Variants in KDM5B observed in about 807,000 individuals in gnomAD.
The protein encoded by KDM5B is lysine demethylase 5B, also known as lysine-specific demethylase 5B.
Under a neutral mutation model 193.4 loss-of-function variants are expected in KDM5B, and 144 were observed. The ratio of observed to expected loss-of-function variants is 0.74; its 90% confidence interval spans 0.65 to 0.86. The LOEUF (loss-of-function observed/expected upper bound fraction) is 0.86, where lower values mean the gene tolerates loss of function less well. Among genes scored for constraint, KDM5B ranks in the 40% least tolerant of loss-of-function variants. The probability of loss-of-function intolerance (pLI) is 0.00; values close to 1 mark genes in which losing one functional copy is unlikely to be tolerated. For missense variants in KDM5B, 1,833 were observed against 1,886.9 expected (o/e 0.97, Z 0.53); for synonymous variants, 668 against 682.6 (o/e 0.98, Z 0.33).
chr1:202,808,006 G>A (rs1471506851), intron 1 of KDM5B, 96 bp downstream of exon 1: 5 of 1,270,778 alleles, frequency 3.9e-6, no homozygotes, highest in Non-Finnish European at 5.3e-6. Context: ...GGGGCGACCG[G>A]CTCCCCGCCC....
intron 1 of KDM5B, among the ~76,000 whole-genome samples, chr1:202,778,316 T>C (rs1013428584): frequency 6.6e-6 from 1 of 152,038 alleles, no homozygotes; most frequent in African/African-American, 2.4e-5. Flanking sequence ...CACACACATA[T>C]ATGTATGAAT....
chr1:202,735,288 C>T, intron 22 of KDM5B, 141 bp downstream of exon 22: 2 of 865,676 alleles, frequency 2.3e-6, no homozygotes, highest in Non-Finnish European at 3.5e-6. Context: ...TAACACTTGA[C>T]AATTTTCAAA....
intron 10 of KDM5B, among the ~76,000 whole-genome samples, chr1:202,755,723 A>C (rs1360536042): frequency 6.6e-6 from 1 of 152,092 alleles, no homozygotes; most frequent in Non-Finnish European, 1.5e-5. Context: ...CAAAGTTCAA[A>C]ATCAGGCAAA....
Position 202,763,988 on chromosome 1 carries a change from A to G in KDM5B, c.808+61T>C, listed in dbSNP as rs973162373. On this transcript the variant is annotated intron_variant, in intron 6 of 26. Transcript: ENST00000367265. Reference sequence around the variant, plus strand: ...TTGAATTTTCAGCTTATGTTTACTTATGAATAGTTATTTTTACTTTATTTA... The same window carrying G: ...TTGAATTTTCAGCTTATGTTTACTTGTGAATAGTTATTTTTACTTTATTTA... 1.1e-5 allele frequency: 10 copies of G among 937,454 alleles called. No individual in the cohort carries two copies. In the African/African-American group the frequency reaches 1.7e-4, roughly 16 times the overall value. 58.1% of individuals were successfully genotyped at this position (937,454 alleles called of 1,614,324 possible). A position where few individuals can be genotyped will look rare whatever the true frequency, so the allele number is the denominator to read the frequency against.
In KDM5B at chr1:202,724,617, T is replaced by C. The variant is rs1304420008; in HGVS notation, c.*4419A>G. 6.6e-6 allele frequency: 1 copy of C among 152,368 alleles called. No homozygotes were observed. The allele number at this position is 152,368 out of a possible 1,614,324, so 9.4% of individuals were successfully genotyped here. A position where few individuals can be genotyped will look rare whatever the true frequency, so the allele number is the denominator to read the frequency against. ...CCAAACTAATTTTTCTCAATTTTAG[T>C]GTTTATTAAATGGATATACATATTT... On this transcript the variant is annotated 3_prime_UTR_variant, in exon 27 of 27. Coordinates refer to ENST00000367265, the MANE Select transcript of KDM5B (RefSeq NM_006618.5).
At position 202,750,105 on chromosome 1, in the gene KDM5B, T is replaced by C. The variant is rs1655731208; in HGVS notation, c.1821+554A>G. ...AATGTAAATCAATAGACTCCATTCT[T>C]CATCAACAAAGTCTTGCTACAAAAG... On this transcript the variant is annotated intron_variant, in intron 13 of 26. Transcript: ENST00000367265. Among the ~76,000 whole-genome samples, 3 of 152,200 alleles carry C rather than the reference T, an allele frequency of 2.0e-5. No homozygotes were observed. The South Asian group carries it at 6.2e-4, about 32-fold the overall frequency.
chr1:202,731,806 A>G, intron 24 of KDM5B, 22 bp downstream of exon 24: 1 of 1,490,122 alleles, frequency 6.7e-7, no homozygotes, highest in Non-Finnish European at 9.4e-7. Context: ...TCCAGCCCTC[A>G]ACGTAATAAC....
intron 1 of KDM5B, among the ~76,000 whole-genome samples, chr1:202,798,162 C>G (rs530796694): frequency 6.6e-6 from 1 of 152,164 alleles, no homozygotes; most frequent in African/African-American, 2.4e-5. Flanking sequence ...TCACATCATG[C>G]TGCACTCCAG....
chr1:202,736,206 A>T lies in KDM5B; in HGVS notation c.3264+7T>A. On this transcript the variant is annotated splice_region_variant and intron_variant, in intron 21 of 26. Coordinates refer to ENST00000367265, the MANE Select transcript of KDM5B (RefSeq NM_006618.5). The stretch of plus-strand genomic sequence containing the variant: ...AGGTCTTGCAGATGAGCTGGTTGTA[A>T]ACTTACCTCTAAGAGAGAATATGGA... 5 of 1,542,576 alleles carry T rather than the reference A, an allele frequency of 3.2e-6. No homozygotes were observed. Among genetic ancestry groups the T allele is most frequent in the Non-Finnish European group, 4.4e-6 (5 of 1,141,700 alleles).
rs1266214168 is a variant in KDM5B at position 202,758,432 on chromosome 1, C to T, written c.1156G>A (p.Ala386Thr). The T allele has an allele frequency of 6.2e-7, 1 of 1,613,174 alleles. No homozygotes were observed. Among genetic ancestry groups the T allele is most frequent in the Non-Finnish European group, 8.5e-7 (1 of 1,179,456 alleles). ...AAGTAATCAGATTTGAACGCATCTG[C>T]CATTTCCCCAAAAGTACGGAGGGTA... The part of the protein sequence containing the change: ...DYTLRTFGEM[A>T]DAFKSDYFNM... The change falls in exon 9 of 27, where the codon GCA (alanine) becomes ACA (threonine). Residue 386 changes from alanine to threonine, a missense_variant. Physicochemically the swap from Ala to Thr is moderately conservative, Grantham distance 58. Transcript: ENST00000367265.
At chr1:202,745,133 G>C (rs545237165) in intron 16 of KDM5B, among the ~76,000 whole-genome samples, 4 of 152,096 alleles carry the variant, frequency 2.6e-5, no homozygotes, top group African/African-American at 9.7e-5. Flanking sequence ...GGAGTAACAC[G>C]TGAACACATA....
At chr1:202,804,830 C>T (rs1045321966) in intron 1 of KDM5B, among the ~76,000 whole-genome samples, 1 of 147,552 alleles carries the variant, frequency 6.8e-6, no homozygotes, top group Non-Finnish European at 1.5e-5. Context: ...AGCCACTGCA[C>T]TCCAGGCCTG....
Position 202,788,157 on chromosome 1 carries a change from AT to A in KDM5B, c.205-11064del, listed in dbSNP as rs1353183370. Among the ~76,000 whole-genome samples the A allele has an allele frequency of 3.9e-5, 6 of 152,162 alleles. No individual in the cohort carries two copies. The East Asian group carries it at 9.6e-4, about 24-fold the overall frequency. ...ACTAATAGTGATTTATTGACCGCCT[AT>A]TTTTACAATGTCAACATTTTTAGAA... On this transcript the variant is annotated intron_variant, in intron 1 of 26. Coordinates refer to ENST00000367265, the MANE Select transcript of KDM5B (RefSeq NM_006618.5).
intron 1 of KDM5B, among the ~76,000 whole-genome samples, chr1:202,787,149 C>A (rs952188338): frequency 3.3e-5 from 5 of 152,110 alleles, no homozygotes; most frequent in Non-Finnish European, 7.4e-5. Flanking sequence ...CCCAAGTATA[C>A]ATGCATGCCA....
In KDM5B at chr1:202,760,573, C is replaced by A. The variant is rs1395424295; in HGVS notation, c.919G>T (p.Val307Leu). 1 of 1,603,506 alleles carries A rather than the reference C, an allele frequency of 6.2e-7. No homozygotes were observed. The highest frequency in any genetic ancestry group is 8.5e-7 in the Non-Finnish European group (1 of 1,175,800). ...KSRSKKATNA[V>L]DLYVCLLCGS... is the part of the protein sequence containing the mutation. ...CATAAAAGACAGACATACAGGTCCA[C>A]CTGTAGCAATAAAAGTGGGTACAGA... The change falls in exon 8 of 27, where the codon GTG (valine) becomes TTG (leucine). Residue 307 changes from valine (V) to leucine (L), a missense_variant and splice_region_variant. Physicochemically the swap from Val to Leu is conservative, Grantham distance 32. This residue lies in a region of KDM5B where 99 missense variants were observed against 162.4 expected (regional missense o/e 0.61). Transcript: ENST00000367265.
intron 10 of KDM5B, 152 bp from the exon 11 acceptor site, chr1:202,755,604 G>A (rs553830438): frequency 1.0e-4 from 62 of 609,870 alleles, no homozygotes; most frequent in Middle Eastern, 8.9e-4. Flanking sequence ...CCAGAGATTC[G>A]TTTTGCCCAG....
intron 20 of KDM5B, among the ~76,000 whole-genome samples, chr1:202,740,307 C>T (rs867962568): frequency 0.057 from 6,223 of 109,284 alleles, 186 homozygotes; most frequent in Middle Eastern, 0.1. Flanking sequence ...TAGGGGCGGC[C>T]GGGCAGAGGC....
chr1:202,755,851 A>C (rs751214151), intron 10 of KDM5B, among the ~76,000 whole-genome samples: 1 of 152,074 alleles, frequency 6.6e-6, no homozygotes, highest in Non-Finnish European at 1.5e-5. Flanking sequence ...GGTGCTGGGA[A>C]TATCCTATTT....
chr1:202,786,844 C>T (rs529144658), intron 1 of KDM5B, among the ~76,000 whole-genome samples: 5 of 152,026 alleles, frequency 3.3e-5, no homozygotes, highest in African/African-American at 1.2e-4. Flanking sequence ...GTCAGGAGTT[C>T]GAGACCAGCC....
Sources: gnomAD v4.1 joint callset for allele counts (sites outside exome capture counted in the v4.1 genomes callset) on GRCh38, gnomAD v4.1.1 for gene constraint, gnomAD v4.1.1 regional missense constraint, MANE v1.5 for transcripts, NCBI Gene and HGNC (gene_info 2026-07-23, HGNC 2026-07-21) for gene names.